TMOD1: variants seen among roughly 807,000 people sequenced by gnomAD.
TMOD1 encodes tropomodulin-1.
Under a neutral mutation model 40.6 loss-of-function variants are expected in TMOD1, and 17 were observed. The observed-to-expected ratio is 0.42, with a 90% CI of 0.29 to 0.63. The LOEUF is 0.63. Ranked by LOEUF, TMOD1 falls within the 20% of genes least tolerant of loss-of-function variation. TMOD1 has a pLI of 0.22. For synonymous variants in TMOD1, 181 were observed against 175.0 expected (o/e 1.03, Z -0.27); for missense variants, 391 against 447.6 (o/e 0.87, Z 1.14).
chr9:97,579,810 G>T (rs907460032), intron 8 of TMOD1, among the ~76,000 whole-genome samples: 13 of 152,166 alleles, frequency 8.5e-5, no homozygotes, highest in African/African-American at 3.1e-4. Context: ...CATCCAATGT[G>T]CACTTGAGTG....
intron 2 of TMOD1, among the ~76,000 whole-genome samples, chr9:97,534,894 A>G (rs1830156124): frequency 6.6e-6 from 1 of 152,190 alleles, no homozygotes; most frequent in African/African-American, 2.4e-5. Context: ...AGGGCTTTGA[A>G]AGATGAATGC....
chr9:97,589,308 G>A (rs1237838746), intron 8 of TMOD1, among the ~76,000 whole-genome samples: 2 of 128,338 alleles, frequency 1.6e-5, no homozygotes, highest in Non-Finnish European at 3.2e-5. Context: ...TTGAGACAGA[G>A]TCTCATTCTG....
At chr9:97,595,943 AGG>A (rs1826101541) in intron 9 of TMOD1, among the ~76,000 whole-genome samples, 1 of 151,882 alleles carries the variant, frequency 6.6e-6, no homozygotes, top group African/African-American at 2.4e-5. Context: ...GCATGGTGGC[AGG>A]CACCTGTAAT....
In TMOD1 at chr9:97,591,482, C is replaced by T. The variant is rs367961213; in HGVS notation, c.1015+47C>T. 5.0e-6 allele frequency: 8 copies of T among 1,593,694 alleles called. No homozygotes were observed. In the African/African-American group the frequency reaches 9.4e-5, roughly 19 times the overall value. On this transcript the variant is annotated intron_variant, in intron 9 of 9. Transcript: ENST00000259365. ...GCCCTGCCCGCAGTCCTGTTATTCC[C>T]TCCACCTGTGCTGGGGATGTCAGGG...
At chr9:97,573,603 C>T (rs1830855377) in intron 8 of TMOD1, among the ~76,000 whole-genome samples, 1 of 152,154 alleles carries the variant, frequency 6.6e-6, no homozygotes. Flanking sequence ...GCCAGGAATC[C>T]AGGAGCAGTG....
At position 97,546,168 on chromosome 9, in the gene TMOD1, C is replaced by CA. The variant is rs1830357278; in HGVS notation, c.121-16dup. ...TCTCTTTCTCTCTCTCCTGCCCCCC[C>CA]ACAACCTCCAATGTAGAATGCACTG... On this transcript the variant is annotated splice_polypyrimidine_tract_variant and intron_variant, in intron 2 of 9. Transcript: ENST00000259365. 1 of 1,595,426 alleles carries CA rather than the reference C, an allele frequency of 6.3e-7. No individual in the cohort carries two copies. Among genetic ancestry groups the CA allele is most frequent in the Non-Finnish European group, 8.5e-7 (1 of 1,173,648 alleles).
intron 3 of TMOD1, 81 bp downstream of exon 3, chr9:97,546,422 CCT>C (rs1830361723): frequency 6.8e-7 from 1 of 1,470,544 alleles, no homozygotes; most frequent in African/African-American, 1.4e-5. Flanking sequence ...CCTGCCAGGC[CCT>C]GTGTTGGGCC....
At chr9:97,508,324 G>A (rs1829630340) in intron 1 of TMOD1, among the ~76,000 whole-genome samples, 1 of 151,960 alleles carries the variant, frequency 6.6e-6, no homozygotes, top group South Asian at 2.1e-4. Context: ...GAGTAGCTGG[G>A]ACTACAGGTG....
intron 8 of TMOD1, among the ~76,000 whole-genome samples, chr9:97,574,046 A>C (rs1830867376): frequency 6.6e-6 from 1 of 152,168 alleles, no homozygotes. Flanking sequence ...CTGAGAGGTG[A>C]CAGCATGCTG....
intron 9 of TMOD1, among the ~76,000 whole-genome samples, chr9:97,596,736 G>A (rs1474016566): frequency 6.6e-6 from 1 of 152,112 alleles, no homozygotes; most frequent in African/African-American, 2.4e-5. Context: ...GCCCCCAAGT[G>A]ACCAAGGAAA....
At chr9:97,578,278 C>T (rs1825656888) in intron 8 of TMOD1, among the ~76,000 whole-genome samples, 1 of 152,320 alleles carries the variant, frequency 6.6e-6, no homozygotes, top group Admixed American at 6.5e-5. Flanking sequence ...TGGTCTCGAT[C>T]TCCTGACCTC....
intron 8 of TMOD1, among the ~76,000 whole-genome samples, chr9:97,578,129 C>T (rs111306576): frequency 0.023 from 3,555 of 152,190 alleles, 148 homozygotes; most frequent in African/African-American, 0.081. Flanking sequence ...GATCTCAGCT[C>T]ACTGCAAACT....
At chr9:97,568,017 C>A (rs1830758978) in intron 7 of TMOD1, among the ~76,000 whole-genome samples, 1 of 152,020 alleles carries the variant, frequency 6.6e-6, no homozygotes, top group African/African-American at 2.4e-5. Context: ...TCATCTACAC[C>A]CCCTGGCTGA....
Position 97,559,771 on chromosome 9 carries a change from T to TAAAAAAAA in TMOD1, c.398-2961_398-2960insAAAAAAAA, listed in dbSNP as rs1830589569. 5.8e-4 allele frequency among the ~76,000 whole-genome samples: 37 copies of TAAAAAAAA among 63,318 alleles called. 1 individual carries two copies. In the East Asian group the frequency reaches 6.5e-3, roughly 11 times the overall value. 41.5% of individuals were successfully genotyped at this position (63,318 alleles called of 152,430 possible). A position where few individuals can be genotyped will look rare whatever the true frequency, so the allele number is the denominator to read the frequency against. On this transcript the variant is annotated intron_variant, in intron 4 of 9. Coordinates refer to ENST00000259365, the MANE Select transcript of TMOD1 (RefSeq NM_003275.4). ...CAGAGCGAGACTCCGCCTCAAAAAT[T>TAAAAAAAA]TAAAAAAAAAAAAAAAAAAAAAAAT...
At chr9:97,544,519 GAGAA>G (rs1468744672) in intron 2 of TMOD1, among the ~76,000 whole-genome samples, 2 of 151,352 alleles carry the variant, frequency 1.3e-5, no homozygotes, top group African/African-American at 4.9e-5. Context: ...CTTGGTGACA[GAGAA>G]AGACTCTGTC....
chr9:97,510,714 G>A (rs369047921), intron 1 of TMOD1, among the ~76,000 whole-genome samples: 2 of 152,328 alleles, frequency 1.3e-5, no homozygotes, highest in South Asian at 4.1e-4. Context: ...TTTTAGTCTT[G>A]TGGGAGTAGG....
intron 8 of TMOD1, among the ~76,000 whole-genome samples, chr9:97,586,702 T>TCGTG (rs1825880560): frequency 6.6e-6 from 1 of 152,232 alleles, no homozygotes; most frequent in Non-Finnish European, 1.5e-5. Flanking sequence ...GGATATAATC[T>TCGTG]CGTGGTGCGC....
chr9:97,570,918 CGT>C lies in TMOD1; in HGVS notation c.870+1884_870+1885del, dbSNP rs368556101. On this transcript the variant is annotated intron_variant, in intron 8 of 9. Coordinates refer to ENST00000259365, the MANE Select transcript of TMOD1 (RefSeq NM_003275.4). ...AGCAGTCACATGAGCTGGCAGCAGC[CGT>C]GTCACGTGCATTTCCTGCATTGGAC... Among the ~76,000 whole-genome samples the C allele has an allele frequency of 8.5e-5, 13 of 152,352 alleles. No individual in the cohort carries two copies. The East Asian group carries it at 2.5e-3, about 29-fold the overall frequency.
At chr9:97,510,006 A>T (rs1288878180) in intron 1 of TMOD1, among the ~76,000 whole-genome samples, 1 of 152,158 alleles carries the variant, frequency 6.6e-6, no homozygotes, top group Non-Finnish European at 1.5e-5. Flanking sequence ...TCTATTAAAC[A>T]AATCAGCCTT....
Sources: gnomAD v4.1 joint callset for allele counts (sites outside exome capture counted in the v4.1 genomes callset) on GRCh38, gnomAD v4.1.1 for gene constraint, MANE v1.5 for transcripts, NCBI Gene and HGNC (gene_info 2026-07-23, HGNC 2026-07-21) for gene names.